The following KCTD8 variants were observed in gnomAD, a reference collection of about 807,000 sequenced individuals.
KCTD8 encodes potassium channel tetramerization domain containing 8, also known as BTB/POZ domain-containing protein KCTD8.
KCTD8 carries 27 observed loss-of-function variants against 31.5 expected under a neutral mutation model. The ratio of observed to expected loss-of-function variants is 0.86; its 90% CI spans 0.63 to 1.18. KCTD8 has a LOEUF of 1.18. Among genes scored for constraint, KCTD8 ranks in the 50% most tolerant of loss-of-function variants. The probability of loss-of-function intolerance (pLI) is 0.00; values close to 1 mark genes in which losing one functional copy is unlikely to be tolerated. For synonymous variants in KCTD8, 290 were observed against 280.0 expected (o/e 1.04, Z -0.36); for missense variants, 658 against 647.7 (o/e 1.02, Z -0.17).
chr4:44,226,935 A>G (rs1714980743), intron 1 of KCTD8, among the ~76,000 whole-genome samples: 1 of 151,316 alleles, frequency 6.6e-6, no homozygotes, highest in African/African-American at 2.4e-5. Context: ...GATTCTGGAT[A>G]TTACACCTTT....
At chr4:44,436,961 A>G (rs1318536979) in intron 1 of KCTD8, among the ~76,000 whole-genome samples, 3 of 152,140 alleles carry the variant, frequency 2.0e-5, no homozygotes, top group Non-Finnish European at 4.4e-5. Context: ...AGGCCATAAA[A>G]TAAAGAGCCT....
intron 1 of KCTD8, among the ~76,000 whole-genome samples, chr4:44,256,398 A>C (rs2109363667): frequency 6.6e-6 from 1 of 152,138 alleles, no homozygotes; most frequent in African/African-American, 2.4e-5. Flanking sequence ...AAAACATAAA[A>C]TATAAAAAGC....
intron 1 of KCTD8, among the ~76,000 whole-genome samples, chr4:44,304,764 A>G (rs867134578): frequency 1.3e-5 from 2 of 152,172 alleles, no homozygotes; most frequent in Non-Finnish European, 2.9e-5. Context: ...CCAAGGTGAC[A>G]GATAATTCAG....
At chr4:44,218,731 C>T (rs1697428139) in intron 1 of KCTD8, among the ~76,000 whole-genome samples, 5 of 151,806 alleles carry the variant, frequency 3.3e-5, no homozygotes, top group Admixed American at 3.3e-4. Flanking sequence ...TTCCTAAAGC[C>T]CTATACTCTT....
At chr4:44,372,211 A>C (rs2109437081) in intron 1 of KCTD8, among the ~76,000 whole-genome samples, 1 of 152,326 alleles carries the variant, frequency 6.6e-6, no homozygotes, top group South Asian at 2.1e-4. Context: ...CCAGAAAAAA[A>C]CAAACAGATG....
At chr4:44,219,655 C>T (rs1714750392) in intron 1 of KCTD8, among the ~76,000 whole-genome samples, 1 of 152,170 alleles carries the variant, frequency 6.6e-6, no homozygotes, top group Non-Finnish European at 1.5e-5. Context: ...TGACTTTAAA[C>T]TTCTATTTTC....
intron 1 of KCTD8, among the ~76,000 whole-genome samples, chr4:44,420,242 T>C (rs1577664802): frequency 6.6e-6 from 1 of 152,130 alleles, no homozygotes; most frequent in East Asian, 1.9e-4. Context: ...AACAAAAAAT[T>C]ATGGACAAAA....
At chr4:44,360,401 T>C (rs1017775723) in intron 1 of KCTD8, among the ~76,000 whole-genome samples, 5 of 152,078 alleles carry the variant, frequency 3.3e-5, no homozygotes, top group African/African-American at 1.2e-4. Context: ...TACAGTCATC[T>C]TTCATGGATA....
chr4:44,398,646 C>T (rs1412842961), intron 1 of KCTD8, among the ~76,000 whole-genome samples: 1 of 152,164 alleles, frequency 6.6e-6, no homozygotes, highest in African/African-American at 2.4e-5. Flanking sequence ...AACGAACTCT[C>T]AAAGACTTCT....
intron 1 of KCTD8, among the ~76,000 whole-genome samples, chr4:44,399,607 A>T (rs918578117): frequency 6.6e-6 from 1 of 152,188 alleles, no homozygotes; most frequent in Non-Finnish European, 1.5e-5. Flanking sequence ...TTGGTCCCCC[A>T]GCATAATTCA....
chr4:44,193,653 A>C (rs1487863980), intron 1 of KCTD8, among the ~76,000 whole-genome samples: 1 of 152,154 alleles, frequency 6.6e-6, no homozygotes, highest in African/African-American at 2.4e-5. Flanking sequence ...CAAAAAAAAA[A>C]AAATTAAAGG....
At chr4:44,421,247 C>T (rs1397555972) in intron 1 of KCTD8, among the ~76,000 whole-genome samples, 3 of 151,976 alleles carry the variant, frequency 2.0e-5, no homozygotes, top group Non-Finnish European at 4.4e-5. Flanking sequence ...TTAAAGACTT[C>T]GAAAGAGACA....
chr4:44,208,538 A>C (rs978268462), intron 1 of KCTD8, among the ~76,000 whole-genome samples: 4 of 152,212 alleles, frequency 2.6e-5, no homozygotes, highest in African/African-American at 9.6e-5. Context: ...ATTGAAAATC[A>C]CAAAATAATA....
At chr4:44,374,018 C>T (rs910229814) in intron 1 of KCTD8, among the ~76,000 whole-genome samples, 8 of 152,136 alleles carry the variant, frequency 5.3e-5, no homozygotes, top group African/African-American at 1.4e-4. Context: ...TAGGCGACTA[C>T]ATAAGCAAGA....
chr4:44,229,205 C>T (rs1177752599), intron 1 of KCTD8, among the ~76,000 whole-genome samples: 6 of 152,146 alleles, frequency 3.9e-5, no homozygotes, highest in Non-Finnish European at 7.3e-5. Flanking sequence ...GGAGAGGGCT[C>T]TCCCCTACCC....
intron 1 of KCTD8, among the ~76,000 whole-genome samples, chr4:44,378,548 G>A (rs1440179630): frequency 2.0e-5 from 3 of 151,972 alleles, no homozygotes; most frequent in Non-Finnish European, 4.4e-5. Flanking sequence ...TCATATTATG[G>A]TGGAATGATT....
intron 1 of KCTD8, among the ~76,000 whole-genome samples, chr4:44,320,193 AAAAAAAGAG>A (rs1718258392): frequency 6.7e-6 from 1 of 149,322 alleles, no homozygotes; most frequent in Non-Finnish European, 1.5e-5. Context: ...AAAAAAAAAA[AAAAAAAGAG>A]AGAGAGAATT....
intron 1 of KCTD8, among the ~76,000 whole-genome samples, chr4:44,229,776 G>A (rs906790232): frequency 1.3e-5 from 2 of 151,746 alleles, no homozygotes; most frequent in Non-Finnish European, 2.9e-5. Flanking sequence ...AAGATTTGAT[G>A]GTGGATCTAC....
At position 44,174,763 on chromosome 4, in the gene KCTD8, C is replaced by G. The variant is rs371659413; in HGVS notation, c.*27G>C. The G allele has an allele frequency of 7.2e-6, 11 of 1,534,002 alleles. No homozygotes were observed. The highest frequency in any genetic ancestry group is 2.7e-6 in the Non-Finnish European group (3 of 1,129,514). ...CACTGTAGTAAACATTGAATGTCAT[C>G]AAAATACTGCAGGAATGTGACAATT... On this transcript the variant is annotated 3_prime_UTR_variant, in exon 2 of 2. Coordinates refer to ENST00000360029, the MANE Select transcript of KCTD8 (RefSeq NM_198353.3).
Sources: gnomAD v4.1 joint callset for allele counts (sites outside exome capture counted in the v4.1 genomes callset) on GRCh38, gnomAD v4.1.1 for gene constraint, MANE v1.5 for transcripts, NCBI Gene and HGNC (gene_info 2026-07-23, HGNC 2026-07-21) for gene names.